Variants in SBF2 observed in about 807,000 individuals in gnomAD.
SBF2 encodes the protein SET binding factor 2.
A neutral mutation model predicts 225.2 loss-of-function variants in SBF2; 112 were observed. The ratio of observed to expected loss-of-function variants is 0.50; its 90% CI spans 0.43 to 0.58. SBF2 has a LOEUF of 0.58. Among genes scored for constraint, SBF2 ranks in the 20% least tolerant of loss-of-function variants. The probability of loss-of-function intolerance (pLI) is 0.00; values close to 1 mark genes in which losing one functional copy is unlikely to be tolerated. For synonymous variants in SBF2, 763 were observed against 773.3 expected, an observed-to-expected ratio of 0.99 and a Z score of 0.22; for missense variants, 1,996 against 2,206.2, an observed-to-expected ratio of 0.90 and a Z score of 1.91.
At chr11:10,121,563 G>A (rs866116629) in intron 2 of SBF2, among the ~76,000 whole-genome samples, 2 of 152,130 alleles carry the variant, frequency 1.3e-5, no homozygotes, top group African/African-American at 2.4e-5. Flanking sequence ...TAGTATTCTC[G>A]AAACCAATTT....
chr11:10,007,253 G>A (rs910679682), intron 6 of SBF2, among the ~76,000 whole-genome samples: 6 of 152,042 alleles, frequency 3.9e-5, no homozygotes, highest in African/African-American at 1.2e-4. Context: ...AAGAGAAGAC[G>A]CTTTCTTTTT....
chr11:9,811,710 A>G (rs1213903238), intron 30 of SBF2, among the ~76,000 whole-genome samples: 1 of 150,858 alleles, frequency 6.6e-6, no homozygotes, highest in East Asian at 1.9e-4. Flanking sequence ...GAGTACTGAC[A>G]TCATTTCCTT....
intron 1 of SBF2, among the ~76,000 whole-genome samples, chr11:10,232,103 G>C (rs187555871): frequency 6.6e-6 from 1 of 152,220 alleles, no homozygotes; most frequent in East Asian, 1.9e-4. Context: ...AGGACCCTCC[G>C]AGCCAGGTGC....
chr11:9,892,734 T>A (rs1220046682), intron 17 of SBF2, among the ~76,000 whole-genome samples: 1 of 151,984 alleles, frequency 6.6e-6, no homozygotes, highest in Admixed American at 6.6e-5. Context: ...TAATTTCGTA[T>A]TTTTAGTAGA....
At chr11:9,983,403 C>T (rs1947046310) in intron 13 of SBF2, among the ~76,000 whole-genome samples, 2 of 152,132 alleles carry the variant, frequency 1.3e-5, no homozygotes, top group Admixed American at 1.3e-4. Context: ...TCACCCCCAT[C>T]CCCCACAGCA....
intron 2 of SBF2, among the ~76,000 whole-genome samples, chr11:10,146,058 C>T (rs1414224562): frequency 3.3e-5 from 5 of 152,086 alleles, no homozygotes; most frequent in Non-Finnish European, 7.4e-5. Flanking sequence ...CAAAACACTG[C>T]TCAAAGAAAT....
intron 32 of SBF2, among the ~76,000 whole-genome samples, chr11:9,800,552 G>A (rs771341017): frequency 1.3e-5 from 2 of 151,710 alleles, no homozygotes; most frequent in Non-Finnish European, 2.9e-5. Context: ...GACTACAGGC[G>A]CCTGCCACCA....
intron 6 of SBF2, among the ~76,000 whole-genome samples, chr11:10,026,163 C>T (rs1028395944): frequency 6.6e-6 from 1 of 151,912 alleles, no homozygotes; most frequent in Non-Finnish European, 1.5e-5. Flanking sequence ...ACAACCTCCT[C>T]CTCTCCTCCC....
intron 17 of SBF2, among the ~76,000 whole-genome samples, chr11:9,893,084 A>G (rs778370624): frequency 6.6e-6 from 1 of 152,206 alleles, no homozygotes; most frequent in Non-Finnish European, 1.5e-5. Flanking sequence ...AATGTTATTT[A>G]AAGTATTTTA....
At chr11:9,798,087 T>G (rs1441588164) in intron 32 of SBF2, among the ~76,000 whole-genome samples, 1 of 152,192 alleles carries the variant, frequency 6.6e-6, no homozygotes, top group African/African-American at 2.4e-5. Flanking sequence ...AAAAAATCTT[T>G]TATTTCCTTG....
chr11:10,164,970 A>G (rs1356951611), intron 2 of SBF2: 1 of 152,222 alleles, frequency 6.6e-6, no homozygotes, highest in Non-Finnish European at 1.5e-5. Flanking sequence ...TAGTCATCCA[A>G]AACCTTGGAA....
chr11:10,035,175 C>T (rs1244187794), intron 3 of SBF2, among the ~76,000 whole-genome samples: 1 of 151,916 alleles, frequency 6.6e-6, no homozygotes, highest in Admixed American at 6.6e-5. Flanking sequence ...GGGGTTTCAC[C>T]GTGTTAGCCA....
chr11:9,822,673 T>A (rs947427522), intron 28 of SBF2, among the ~76,000 whole-genome samples: 1 of 152,192 alleles, frequency 6.6e-6, no homozygotes, highest in Non-Finnish European at 1.5e-5. Context: ...ATTTTCCCCA[T>A]AGGAATGCGT....
chr11:9,966,639 A>C (rs1020561977), intron 14 of SBF2, among the ~76,000 whole-genome samples: 3 of 152,238 alleles, frequency 2.0e-5, no homozygotes, highest in Admixed American at 1.3e-4. Context: ...GGGAAAAATT[A>C]GCAAATAATA....
Position 9,779,851 on chromosome 11 carries a change from G to A in SBF2, c.*567C>T. 5.5e-6 allele frequency: 1 copy of A among 182,476 alleles called. No individual in the cohort carries two copies. Among genetic ancestry groups the A allele is most frequent in the Non-Finnish European group, 1.2e-5 (1 of 83,924 alleles). 11.3% of individuals were successfully genotyped at this position (182,476 alleles called of 1,614,324 possible). ...GTGTGCTCCCTCTTTGCCTGCTACT[G>A]AACAATGACGTCTCTTGTTGTGAAC... On this transcript the variant is annotated 3_prime_UTR_variant, in exon 40 of 40. Coordinates refer to ENST00000256190, the MANE Select transcript of SBF2 (RefSeq NM_030962.4).
At position 9,845,828 on chromosome 11, in the gene SBF2, T is replaced by C; in HGVS notation, c.2935-88A>G. ...AACAACAGAATATAATAACACAAAA[T>C]GGCAAGACTGGAGGTCAAAGGGACT... On this transcript the variant is annotated intron_variant, in intron 23 of 39. Coordinates refer to ENST00000256190, the MANE Select transcript of SBF2 (RefSeq NM_030962.4). 3 of 1,228,154 alleles carry C rather than the reference T, an allele frequency of 2.4e-6. No individual in the cohort carries two copies. In the South Asian group the frequency reaches 3.6e-5, roughly 15 times the overall value. The allele number at this position is 1,228,154 out of a possible 1,614,324, so 76.1% of individuals were successfully genotyped here.
intron 2 of SBF2, among the ~76,000 whole-genome samples, chr11:10,178,478 A>G (rs1358639682): frequency 1.4e-5 from 2 of 148,088 alleles, no homozygotes; most frequent in Non-Finnish European, 3.0e-5. Flanking sequence ...ATCTACAATG[A>G]ACTCAAACAA....
chr11:10,206,990 G>A (rs979027246), intron 1 of SBF2, among the ~76,000 whole-genome samples: 6 of 152,030 alleles, frequency 3.9e-5, no homozygotes, highest in African/African-American at 1.2e-4. Flanking sequence ...ACATATTCAA[G>A]AAGTTGCGTG....
chr11:10,272,723 C>T (rs1962599317), intron 1 of SBF2, among the ~76,000 whole-genome samples: 1 of 151,786 alleles, frequency 6.6e-6, no homozygotes, highest in African/African-American at 2.4e-5. Flanking sequence ...TGTGATGATA[C>T]CACTGCACTC....
Sources: allele counts gnomAD v4.1 joint callset (sites outside exome capture counted in the v4.1 genomes callset), GRCh38; gene constraint gnomAD v4.1.1; transcripts MANE v1.5; gene names NCBI Gene and HGNC (gene_info 2026-07-23, HGNC 2026-07-21).